Variants in FSTL4 observed in about 807,000 individuals in gnomAD.
FSTL4 encodes the protein follistatin-related protein 4.
A neutral mutation model predicts 78.2 loss-of-function variants in FSTL4; 28 were observed. That is an observed-to-expected ratio of 0.36 (90% CI 0.27 to 0.49). The LOEUF (loss-of-function observed/expected upper bound fraction) is 0.49. Among genes scored for constraint, FSTL4 ranks in the 20% least tolerant of loss-of-function variants. The pLI is 0.98. For missense variants in FSTL4, 922 were observed against 1,084.9 expected, an observed-to-expected ratio of 0.85 and a Z score of 2.11; for synonymous variants, 422 against 440.5, an observed-to-expected ratio of 0.96 and a Z score of 0.53.
the FSTL4 span, among the ~76,000 whole-genome samples, chr5:133,637,008 G>T: frequency 2.0e-5 from 3 of 152,188 alleles, no homozygotes; most frequent in Admixed American, 2.0e-4. Flanking sequence ...TTTGGCTGGA[G>T]TGGAAGCATA....
At chr5:133,671,466 T>C in the FSTL4 span, among the ~76,000 whole-genome samples, 1 of 152,216 alleles carries the variant, frequency 6.6e-6, no homozygotes, top group Non-Finnish European at 1.5e-5. Context: ...GGGTATATAA[T>C]GTTACAAATG....
At chr5:133,360,476 T>A (rs921075742) in intron 4 of FSTL4, among the ~76,000 whole-genome samples, 1 of 62,834 alleles carries the variant, frequency 1.6e-5, no homozygotes, top group Non-Finnish European at 2.9e-5. Flanking sequence ...GGCAATAATT[T>A]TTTTTTTTTT....
At chr5:133,770,386 T>A in the FSTL4 span, among the ~76,000 whole-genome samples, 249 of 152,290 alleles carry the variant, frequency 1.6e-3, no homozygotes, top group Non-Finnish European at 1.9e-3. Flanking sequence ...CTTGCCAATA[T>A]CTGTTGTTTT....
chr5:133,543,201 C>T (rs1157705559), intron 3 of FSTL4, among the ~76,000 whole-genome samples: 2 of 152,082 alleles, frequency 1.3e-5, no homozygotes, highest in African/African-American at 4.8e-5. Flanking sequence ...CAGGTGTGTG[C>T]TATCATGCCT....
chr5:133,412,649 T>C (rs1324494936), intron 3 of FSTL4, among the ~76,000 whole-genome samples: 1 of 152,176 alleles, frequency 6.6e-6, no homozygotes, highest in Non-Finnish European at 1.5e-5. Context: ...AAGAACGGTG[T>C]CTTTCATTTT....
chr5:133,221,865 A>G (rs986171727), intron 11 of FSTL4, among the ~76,000 whole-genome samples: 16 of 145,068 alleles, frequency 1.1e-4, no homozygotes, highest in Non-Finnish European at 2.2e-4. Flanking sequence ...ATTCTAGGGT[A>G]AATATGTAGA....
At chr5:133,219,768 C>T (rs116279611) in intron 12 of FSTL4, among the ~76,000 whole-genome samples, 2,894 of 152,320 alleles carry the variant, frequency 0.019, 54 homozygotes, top group Admixed American at 0.038. Context: ...TTGAGAGAGT[C>T]CCTCCAAGTT....
chr5:133,745,781 T>C, the FSTL4 span, among the ~76,000 whole-genome samples: 2 of 152,230 alleles, frequency 1.3e-5, no homozygotes, highest in Non-Finnish European at 2.9e-5. Context: ...ATTTTGTCAA[T>C]AGGTACAGCC....
At chr5:133,407,091 T>C (rs1260496889) in intron 3 of FSTL4, among the ~76,000 whole-genome samples, 1 of 152,220 alleles carries the variant, frequency 6.6e-6, no homozygotes, top group Non-Finnish European at 1.5e-5. Context: ...AACCCTGGCC[T>C]GCAGGATGGC....
chr5:133,493,511 C>T (rs10051373), intron 3 of FSTL4, among the ~76,000 whole-genome samples: 1,890 of 152,244 alleles, frequency 0.012, 40 homozygotes, highest in African/African-American at 0.044. Flanking sequence ...TTTCTTAGTC[C>T]CCATTTTCAC....
At chr5:133,672,247 A>T in the FSTL4 span, among the ~76,000 whole-genome samples, 1 of 152,210 alleles carries the variant, frequency 6.6e-6, no homozygotes, top group East Asian at 1.9e-4. Flanking sequence ...ATTATTTGCA[A>T]TGTTTGCTTT....
intron 4 of FSTL4, among the ~76,000 whole-genome samples, chr5:133,354,540 A>G (rs17166628): frequency 0.18 from 27,565 of 152,138 alleles, 2,727 homozygotes; most frequent in East Asian, 0.38. Context: ...ATCCACACCC[A>G]GCAGTAACTG....
At chr5:133,376,447 C>A (rs1200793590) in intron 4 of FSTL4, among the ~76,000 whole-genome samples, 2 of 152,076 alleles carry the variant, frequency 1.3e-5, no homozygotes, top group East Asian at 3.8e-4. Context: ...AAAAAATAAA[C>A]ATTGGGTCCC....
chr5:133,649,529 G>A, the FSTL4 span, among the ~76,000 whole-genome samples: 1 of 152,180 alleles, frequency 6.6e-6, no homozygotes, highest in African/African-American at 2.4e-5. Flanking sequence ...TACAACATCA[G>A]CGTACTGGGT....
intron 3 of FSTL4, 128 bp downstream of exon 3, chr5:133,567,058 C>T (rs889965076): frequency 8.1e-6 from 6 of 740,328 alleles, no homozygotes; most frequent in South Asian, 1.5e-5. Context: ...GCAGTCAGCA[C>T]CCAGAAAAGG....
chr5:133,772,046 C>G, the FSTL4 span, among the ~76,000 whole-genome samples: 1 of 152,064 alleles, frequency 6.6e-6, no homozygotes, highest in African/African-American at 2.4e-5. Context: ...ATGAAGACTG[C>G]CAAAAAGGAC....
intron 3 of FSTL4, among the ~76,000 whole-genome samples, chr5:133,497,398 A>C (rs991905526): frequency 1.3e-4 from 20 of 152,258 alleles, no homozygotes; most frequent in Non-Finnish European, 2.8e-4. Flanking sequence ...TACATAGAGC[A>C]CTGCTGAACA....
the FSTL4 span, among the ~76,000 whole-genome samples, chr5:133,701,509 A>ACACACACACACCC: frequency 3.9e-4 from 52 of 132,692 alleles, no homozygotes; most frequent in South Asian, 6.7e-3. Flanking sequence ...ACACACACAC[A>ACACACACACACCC]CCCCACAGGC....
chr5:133,577,576 T>C (rs974903822), intron 2 of FSTL4, among the ~76,000 whole-genome samples: 1 of 151,910 alleles, frequency 6.6e-6, no homozygotes, highest in African/African-American at 2.4e-5. Flanking sequence ...TGCCTAGGAG[T>C]TGCCCAATCA....
Sources: allele counts gnomAD v4.1 joint callset (sites outside exome capture counted in the v4.1 genomes callset), GRCh38; gene constraint gnomAD v4.1.1; transcripts MANE v1.5; gene names NCBI Gene and HGNC (gene_info 2026-07-23, HGNC 2026-07-21).